TMEM135: variants seen among roughly 807,000 people sequenced by gnomAD.
The protein encoded by TMEM135 is peroxisomal membrane protein 52.
Under a neutral mutation model 60.3 loss-of-function variants are expected in TMEM135, and 30 were observed. The ratio of observed to expected loss-of-function variants is 0.50; its 90% confidence interval spans 0.37 to 0.68. The LOEUF is 0.68. Ranked by LOEUF, TMEM135 falls within the 30% of genes least tolerant of loss-of-function variation. The pLI is 0.00. For synonymous variants in TMEM135, 190 were observed against 186.7 expected, an observed-to-expected ratio of 1.02 and a Z score of -0.14; for missense variants, 468 against 548.8, an observed-to-expected ratio of 0.85 and a Z score of 1.47.
chr11:87,304,375 C>T (rs1942502630), intron 8 of TMEM135, among the ~76,000 whole-genome samples: 1 of 151,854 alleles, frequency 6.6e-6, no homozygotes, highest in Admixed American at 6.6e-5. Flanking sequence ...GTGACACCCC[C>T]ATCACTTAGA....
chr11:87,136,186 C>A (rs1165919526), intron 4 of TMEM135, among the ~76,000 whole-genome samples: 2 of 151,814 alleles, frequency 1.3e-5, no homozygotes, highest in East Asian at 3.9e-4. Flanking sequence ...AATTTTACTT[C>A]TTTTTAAATC....
At chr11:87,308,224 A>T (rs909948269) in intron 9 of TMEM135, among the ~76,000 whole-genome samples, 1 of 152,212 alleles carries the variant, frequency 6.6e-6, no homozygotes, top group Admixed American at 6.5e-5. Flanking sequence ...ACAGGCATTC[A>T]GCAAATATTT....
intron 4 of TMEM135, among the ~76,000 whole-genome samples, chr11:87,127,987 A>C (rs1937785381): frequency 6.6e-6 from 1 of 152,220 alleles, no homozygotes; most frequent in South Asian, 2.1e-4. Context: ...ACATCTCTTA[A>C]ATTCAAATAG....
chr11:87,318,235 A>C lies in TMEM135; in HGVS notation c.1176A>C (p.Ala392=), dbSNP rs1227369752. The C allele has an allele frequency of 6.2e-7, 1 of 1,603,594 alleles. No individual in the cohort carries two copies. Among genetic ancestry groups the C allele is most frequent in the Non-Finnish European group, 8.5e-7 (1 of 1,172,560 alleles). Residue 392 remains alanine (A), a splice_region_variant and synonymous_variant, in exon 13 of 15, where the codon GCA becomes GCC. Coordinates refer to ENST00000305494, the MANE Select transcript of TMEM135 (RefSeq NM_022918.4). ...YSISTAICFQ[A]AVMEVQTLRP... is the part of the protein sequence containing the mutation. ...TCTCTACAGCAATTTGCTTCCAGGC[A>C]GTAAGTATAACTTTTTGAAATGAGA...
At chr11:87,300,124 C>A (rs1040667856) in intron 7 of TMEM135, among the ~76,000 whole-genome samples, 3 of 152,130 alleles carry the variant, frequency 2.0e-5, no homozygotes, top group Non-Finnish European at 4.4e-5. Flanking sequence ...CTATAGTGAG[C>A]ACTCACTCTG....
chr11:87,139,509 C>A (rs570379316), intron 4 of TMEM135, among the ~76,000 whole-genome samples: 8 of 152,198 alleles, frequency 5.3e-5, no homozygotes, highest in African/African-American at 1.9e-4. Flanking sequence ...AAAATTTTGG[C>A]TTTTCTATAG....
intron 3 of TMEM135, among the ~76,000 whole-genome samples, chr11:87,088,310 G>T (rs1857138683): frequency 6.6e-6 from 1 of 152,218 alleles, no homozygotes; most frequent in Non-Finnish European, 1.5e-5. Context: ...CAAAGCCTTG[G>T]TAAAACAACC....
chr11:87,288,785 G>A (rs537046225), intron 6 of TMEM135, among the ~76,000 whole-genome samples: 1 of 152,128 alleles, frequency 6.6e-6, no homozygotes, highest in South Asian at 2.1e-4. Flanking sequence ...ACTACACCAT[G>A]CGTTGCCTCT....
chr11:87,177,603 C>G (rs777277636), intron 5 of TMEM135, among the ~76,000 whole-genome samples: 1 of 152,098 alleles, frequency 6.6e-6, no homozygotes, highest in Admixed American at 6.6e-5. Context: ...TTCTATCACT[C>G]TAAAAAATAT....
chr11:87,253,955 T>C (rs919902179), intron 6 of TMEM135, among the ~76,000 whole-genome samples: 10 of 152,038 alleles, frequency 6.6e-5, no homozygotes, highest in Non-Finnish European at 1.5e-4. Context: ...TATTCTTGTT[T>C]TGAAAATGAC....
chr11:87,046,762 T>C (rs1034216757), intron 1 of TMEM135, among the ~76,000 whole-genome samples: 3 of 152,280 alleles, frequency 2.0e-5, no homozygotes, highest in Non-Finnish European at 4.4e-5. Context: ...GGAATGCTTA[T>C]ATTTGGAGCA....
chr11:87,200,317 T>C (rs760693377), intron 5 of TMEM135, among the ~76,000 whole-genome samples: 22 of 152,168 alleles, frequency 1.4e-4, no homozygotes, highest in Non-Finnish European at 2.6e-4. Flanking sequence ...AATTGAATTA[T>C]CTTGTTATGA....
chr11:87,063,249 T>C (rs1949966735), intron 1 of TMEM135, among the ~76,000 whole-genome samples: 1 of 152,238 alleles, frequency 6.6e-6, no homozygotes, highest in South Asian at 2.1e-4. Context: ...TGAAATAGTC[T>C]TCTAAAACCA....
At chr11:87,123,892 A>G (rs1937647176) in intron 4 of TMEM135, among the ~76,000 whole-genome samples, 1 of 152,204 alleles carries the variant, frequency 6.6e-6, no homozygotes, top group South Asian at 2.1e-4. Context: ...AGCTCATGAA[A>G]CAAGCTGAAA....
At chr11:87,198,508 C>T (rs1257085279) in intron 5 of TMEM135, among the ~76,000 whole-genome samples, 1 of 150,718 alleles carries the variant, frequency 6.6e-6, no homozygotes, top group Non-Finnish European at 1.5e-5. Context: ...CCTTCCCTCT[C>T]CTCCCCGCTC....
At chr11:87,251,413 G>C (rs1471065942) in intron 6 of TMEM135, among the ~76,000 whole-genome samples, 1 of 152,104 alleles carries the variant, frequency 6.6e-6, no homozygotes, top group African/African-American at 2.4e-5. Flanking sequence ...ACTGTTAGCT[G>C]TCACACTAGC....
chr11:87,289,224 A>G (rs911760680), intron 6 of TMEM135, among the ~76,000 whole-genome samples: 3 of 152,152 alleles, frequency 2.0e-5, no homozygotes, highest in Non-Finnish European at 1.5e-5. Context: ...ATGTTTTAAT[A>G]CATATATAGT....
chr11:87,108,757 A>G (rs1035935622), intron 4 of TMEM135, among the ~76,000 whole-genome samples: 2 of 152,114 alleles, frequency 1.3e-5, no homozygotes, highest in South Asian at 2.1e-4. Context: ...TTGTTTGTCT[A>G]AGGCATATGA....
chr11:87,152,494 G>A (rs947066814), intron 4 of TMEM135, among the ~76,000 whole-genome samples: 3 of 152,162 alleles, frequency 2.0e-5, no homozygotes, highest in South Asian at 2.1e-4. Flanking sequence ...CACTCTTGAC[G>A]CCCAGGCTGG....
Sources: gnomAD v4.1 joint callset for allele counts (sites outside exome capture counted in the v4.1 genomes callset) on GRCh38, gnomAD v4.1.1 for gene constraint, MANE v1.5 for transcripts, NCBI Gene and HGNC (gene_info 2026-07-23, HGNC 2026-07-21) for gene names.